Variants in CACNG3 observed in about 807,000 individuals in gnomAD.
The protein encoded by CACNG3 is calcium voltage-gated channel auxiliary subunit gamma 3, also known as voltage-dependent calcium channel gamma-3 subunit.
In CACNG3, 3 loss-of-function variants were observed where a neutral mutation model predicts 28.5. That is an observed-to-expected ratio of 0.11 (90% CI 0.05 to 0.27). The LOEUF (loss-of-function observed/expected upper bound fraction) is 0.27. Among genes scored for constraint, CACNG3 ranks in the 10% least tolerant of loss-of-function variants. The pLI is 1.00. For synonymous variants in CACNG3, 174 were observed against 162.2 expected (o/e 1.07, Z -0.55); for missense variants, 236 against 414.4 (o/e 0.57, Z 3.74).
chr16:24,289,632 G>A (rs934225097), intron 1 of CACNG3, among the ~76,000 whole-genome samples: 1 of 152,146 alleles, frequency 6.6e-6, no homozygotes, highest in Non-Finnish European at 1.5e-5. Context: ...TCCCTACAGG[G>A]TTCACTCTGA....
intron 1 of CACNG3, among the ~76,000 whole-genome samples, chr16:24,272,428 T>G (rs1898703113): frequency 6.6e-6 from 1 of 152,142 alleles, no homozygotes; most frequent in Non-Finnish European, 1.5e-5. Flanking sequence ...CATTTTTTCT[T>G]TCAGTTCAAA....
chr16:24,277,124 A>G (rs1898762579), intron 1 of CACNG3, among the ~76,000 whole-genome samples: 1 of 152,118 alleles, frequency 6.6e-6, no homozygotes, highest in Admixed American at 6.5e-5. Context: ...TGTTTGGCCA[A>G]CCTCACATCC....
rs772222270 is a variant in CACNG3, at chr16:24,256,733, G to T, written c.-22G>T. On this transcript the variant is annotated 5_prime_UTR_variant, in exon 1 of 4. Coordinates refer to ENST00000005284, the MANE Select transcript of CACNG3 (RefSeq NM_006539.4). The surrounding 1 kb of genome is among the most constrained non-coding windows in gnomAD (Gnocchi z 4.6). Reference sequence around the variant, plus strand: ...GACTCTCCCCCTCCAACCCCCAGCCGTCCAGAGTACCATGAAGAATTATGA... The same window carrying T: ...GACTCTCCCCCTCCAACCCCCAGCCTTCCAGAGTACCATGAAGAATTATGA... 1 of 1,555,068 alleles carries T rather than the reference G, an allele frequency of 6.4e-7. No individual in the cohort carries two copies.
chr16:24,333,740 G>A (rs1256476482), intron 1 of CACNG3, among the ~76,000 whole-genome samples: 2 of 151,926 alleles, frequency 1.3e-5, no homozygotes, highest in Non-Finnish European at 2.9e-5. Flanking sequence ...TACTCAGGAG[G>A]CTAAGGTAGG....
At chr16:24,339,539 C>A (rs1027102479) in intron 1 of CACNG3, among the ~76,000 whole-genome samples, 12 of 152,214 alleles carry the variant, frequency 7.9e-5, no homozygotes, top group East Asian at 1.9e-4. Context: ...GTGCCCGCCA[C>A]CACGCCCAGC....
intron 1 of CACNG3, among the ~76,000 whole-genome samples, chr16:24,325,058 C>T (rs1899522772): frequency 1.3e-5 from 2 of 152,190 alleles, no homozygotes; most frequent in Admixed American, 1.3e-4. Flanking sequence ...TGCTCTATGT[C>T]ATGCCTGCGG....
At chr16:24,351,817 TTCTC>T (rs1184716693) in intron 2 of CACNG3, among the ~76,000 whole-genome samples, 5 of 139,538 alleles carry the variant, frequency 3.6e-5, no homozygotes, top group African/African-American at 1.1e-4. Flanking sequence ...CCCTTCCATC[TTCTC>T]TCTCTCTCTC....
chr16:24,327,794 T>A lies in CACNG3; in HGVS notation c.212-18940T>A, dbSNP rs574546103. 6.6e-5 allele frequency among the ~76,000 whole-genome samples: 10 copies of A among 151,374 alleles called. No homozygotes were observed. The South Asian group carries it at 1.7e-3, about 25-fold the overall frequency. ...ACATCTCTACAAAAAATGAAAACAG[T>A]AATGGAGCATAGTGGTGAGCAACTG... On this transcript the variant is annotated intron_variant, in intron 1 of 3. Transcript: ENST00000005284.
rs574546623 is a variant in CACNG3 at position 24,362,214 on chromosome 16, A to G, written c.*351A>G. ...GGCCAGGGGGGATTTCCGAATCTCC[A>G]TCAGGCGCGCTCATAGTTGTCCCCA... On this transcript the variant is annotated 3_prime_UTR_variant, in exon 4 of 4. Coordinates refer to ENST00000005284, the MANE Select transcript of CACNG3 (RefSeq NM_006539.4). 1.5e-5 allele frequency: 3 copies of G among 195,412 alleles called. No individual in the cohort carries two copies. Among genetic ancestry groups the G allele is most frequent in the East Asian group, 2.5e-4 (2 of 8,148 alleles). 12.1% of individuals were successfully genotyped at this position (195,412 alleles called of 1,614,324 possible).
At chr16:24,303,619 C>T (rs1014627002) in intron 1 of CACNG3, among the ~76,000 whole-genome samples, 1 of 150,874 alleles carries the variant, frequency 6.6e-6, no homozygotes, top group Non-Finnish European at 1.5e-5. Flanking sequence ...TACCTTGTTT[C>T]TGTATTTGCT....
chr16:24,345,709 C>CA (rs1355371584), intron 1 of CACNG3, among the ~76,000 whole-genome samples: 1 of 152,068 alleles, frequency 6.6e-6, no homozygotes, highest in Non-Finnish European at 1.5e-5. Flanking sequence ...TCAAACAAAA[C>CA]AAAAAAGACA....
At chr16:24,286,270 T>C (rs1679525156) in intron 1 of CACNG3, among the ~76,000 whole-genome samples, 1 of 152,140 alleles carries the variant, frequency 6.6e-6, no homozygotes, top group South Asian at 2.1e-4. Flanking sequence ...TTTTTCTGGC[T>C]AGATTACCAA....
At chr16:24,357,051 G>A (rs953246715) in intron 3 of CACNG3, among the ~76,000 whole-genome samples, 2 of 151,896 alleles carry the variant, frequency 1.3e-5, no homozygotes, top group Admixed American at 6.6e-5. Flanking sequence ...CCTGGCCAAC[G>A]TGGTGAAACC....
chr16:24,287,150 A>G lies in CACNG3; in HGVS notation c.211+30185A>G, dbSNP rs144773380. On this transcript the variant is annotated intron_variant, in intron 1 of 3. Transcript: ENST00000005284. ...TTTCTCAAAACAAACTGAAGCAATT[A>G]AGAGACACTGGTCACCCTTGGTTTG... is the stretch of plus-strand genomic sequence containing the variant. 2.5e-4 allele frequency among the ~76,000 whole-genome samples: 38 copies of G among 152,298 alleles called. No individual in the cohort carries two copies. The East Asian group carries it at 7.0e-3, about 28-fold the overall frequency.
chr16:24,302,458 A>G (rs1899125829), intron 1 of CACNG3, among the ~76,000 whole-genome samples: 1 of 151,438 alleles, frequency 6.6e-6, no homozygotes, highest in South Asian at 2.1e-4. Flanking sequence ...ATTTTTTTTT[A>G]TTTTTTTATT....
chr16:24,298,265 TC>T (rs1899059282), intron 1 of CACNG3, among the ~76,000 whole-genome samples: 1 of 152,160 alleles, frequency 6.6e-6, no homozygotes, highest in South Asian at 2.1e-4. Flanking sequence ...AATACCATGA[TC>T]ATCCTTTCTA....
chr16:24,263,011 C>G (rs1021222674), intron 1 of CACNG3, among the ~76,000 whole-genome samples: 19 of 152,156 alleles, frequency 1.2e-4, no homozygotes, highest in Admixed American at 1.2e-3. Context: ...ACAAGCTTAC[C>G]CAAGGGATCA....
At chr16:24,292,856 G>C (rs1278423808) in intron 1 of CACNG3, among the ~76,000 whole-genome samples, 1 of 152,196 alleles carries the variant, frequency 6.6e-6, no homozygotes, top group Non-Finnish European at 1.5e-5. Context: ...TTAGGGAAAA[G>C]AGCCTAAACT....
rs1004282205 is a variant in CACNG3 at position 24,297,477 on chromosome 16, A to G, written c.211+40512A>G. Among the ~76,000 whole-genome samples the G allele has an allele frequency of 7.2e-5, 11 of 152,140 alleles. 1 individual carries two copies. Among genetic ancestry groups the G allele is most frequent in the Admixed American group, 3.9e-4 (6 of 15,270 alleles). Reference sequence around the variant, plus strand: ...AAACCCTCTCACCTTACAACTGCAAACAAGAGAGGACTTAGAACAAGCTGA... The same window carrying G: ...AAACCCTCTCACCTTACAACTGCAAGCAAGAGAGGACTTAGAACAAGCTGA... On this transcript the variant is annotated intron_variant, in intron 1 of 3. Coordinates refer to ENST00000005284, the MANE Select transcript of CACNG3 (RefSeq NM_006539.4).
Sources: gnomAD v4.1 joint callset for allele counts (sites outside exome capture counted in the v4.1 genomes callset) on GRCh38, gnomAD v4.1.1 for gene constraint, Gnocchi (gnomAD v3.1) non-coding constraint, MANE v1.5 for transcripts, NCBI Gene and HGNC (gene_info 2026-07-23, HGNC 2026-07-21) for gene names.